B4GALNT2: variants seen among roughly 807,000 people sequenced by gnomAD.
B4GALNT2 encodes the protein beta-1,4-N-acetyl-galactosaminyltransferase 2 (SID blood group), also known as N-acetylneuraminylgalactosylglucosyl-glucoside beta-1,4-N- acetylgalactosaminyltransferase 2.
B4GALNT2 carries 42 observed loss-of-function variants against 51.1 expected under a neutral mutation model. The observed-to-expected ratio is 0.82, with a 90% confidence interval of 0.64 to 1.06. B4GALNT2 has a LOEUF of 1.06. B4GALNT2 is among the 50% of genes least tolerant of loss of function. The pLI is 0.00. For missense variants in B4GALNT2, 602 were observed against 633.6 expected (o/e 0.95, Z 0.54); for synonymous variants, 253 against 251.7 (o/e 1.01, Z -0.05).
At chr17:49,134,086 T>C (rs1338696829) in intron 1 of B4GALNT2, among the ~76,000 whole-genome samples, 1 of 152,178 alleles carries the variant, frequency 6.6e-6, no homozygotes, top group Non-Finnish European at 1.5e-5. Flanking sequence ...TCCACAATCC[T>C]TCATGGGTGA....
upstream of B4GALNT2, chr17:49,132,511 G>A: frequency 2.6e-6 from 1 of 383,514 alleles, no homozygotes; most frequent in Non-Finnish European, 4.6e-6. Flanking sequence ...GGAAGGAACG[G>A]TAGGGACCGT....
chr17:49,167,886 T>C (rs1025060093), intron 9 of B4GALNT2, among the ~76,000 whole-genome samples: 1 of 152,004 alleles, frequency 6.6e-6, no homozygotes, highest in Non-Finnish European at 1.5e-5. Flanking sequence ...CTGGGATTAC[T>C]GGTGTGAGCC....
chr17:49,164,655 C>G (rs2042895244), intron 8 of B4GALNT2, among the ~76,000 whole-genome samples: 1 of 151,872 alleles, frequency 6.6e-6, no homozygotes, highest in Admixed American at 6.6e-5. Context: ...GCATGCACCA[C>G]CACACCCGGC....
intron 9 of B4GALNT2, among the ~76,000 whole-genome samples, chr17:49,167,456 C>CT (rs111681938): frequency 0.017 from 2,538 of 151,902 alleles, 76 homozygotes; most frequent in African/African-American, 0.057. Flanking sequence ...AATAAATGGG[C>CT]TTTGTTTTTT....
chr17:49,164,218 G>T lies in B4GALNT2; in HGVS notation c.897G>T (p.Gln299His). The change falls in exon 8 of 11, where the codon CAG (glutamine) becomes CAT (histidine). Residue 299 changes from glutamine to histidine, a missense_variant. Coordinates refer to ENST00000393354, the MANE Select transcript of B4GALNT2 (RefSeq NM_001159387.2). ...DLTVIVADDS[Q>H]KPLEIKDNHV... ...CCGTAATAGTGGCTGATGACAGCCA[G>T]AAGCCCCTGGAAATTAAAGACAATC... 6.2e-7 allele frequency: 1 copy of T among 1,613,412 alleles called. No homozygotes were observed. Among genetic ancestry groups the T allele is most frequent in the Non-Finnish European group, 8.5e-7 (1 of 1,179,312 alleles).
the B4GALNT2 span, among the ~76,000 whole-genome samples, chr17:49,120,663 G>A: frequency 6.6e-6 from 1 of 151,954 alleles, no homozygotes; most frequent in Non-Finnish European, 1.5e-5. Context: ...GCACCACCAT[G>A]CCTGGCTAAT....
At chr17:49,127,735 A>G (rs2042517938), upstream of B4GALNT2, among the ~76,000 whole-genome samples, 4 of 152,158 alleles carry the variant, frequency 2.6e-5, no homozygotes, top group Admixed American at 2.0e-4. Flanking sequence ...AAACAAGCAT[A>G]GCTGGAAGAC....
At chr17:49,154,498 T>C (rs2042789208) in intron 4 of B4GALNT2, among the ~76,000 whole-genome samples, 1 of 151,576 alleles carries the variant, frequency 6.6e-6, no homozygotes, top group African/African-American at 2.4e-5. Context: ...GTCTGTCCAG[T>C]GAAGTCTTCT....
chr17:49,155,741 T>G lies in B4GALNT2; in HGVS notation c.461-825T>G, dbSNP rs568797817. Among the ~76,000 whole-genome samples, 162 of 151,552 alleles carry G rather than the reference T, an allele frequency of 1.1e-3. 2 individuals carry two copies. The highest frequency in any genetic ancestry group is 3.7e-3 in the African/African-American group (153 of 41,424). On this transcript the variant is annotated intron_variant, in intron 4 of 10. Coordinates refer to ENST00000393354, the MANE Select transcript of B4GALNT2 (RefSeq NM_001159387.2). ...TTTTTTTGTTTTTGTTTTTGTTTTT[T>G]GAGACGCAGTCTTGCTCTGTCGCCC...
chr17:49,147,741 T>C (rs144169966), intron 3 of B4GALNT2, among the ~76,000 whole-genome samples: 7 of 152,252 alleles, frequency 4.6e-5, no homozygotes, highest in African/African-American at 1.7e-4. Flanking sequence ...CTTTCTTAAA[T>C]GATAGGTTCC....
intron 1 of B4GALNT2, among the ~76,000 whole-genome samples, chr17:49,139,182 C>G (rs1483627578): frequency 6.6e-6 from 1 of 151,858 alleles, no homozygotes; most frequent in Admixed American, 6.6e-5. Flanking sequence ...ATTCTATAAG[C>G]TAATCTTACT....
At chr17:49,130,185 G>T (rs942370183), upstream of B4GALNT2, among the ~76,000 whole-genome samples, 1 of 152,244 alleles carries the variant, frequency 6.6e-6, no homozygotes, top group African/African-American at 2.4e-5. Context: ...CTAATGTGAA[G>T]CAAGAGTTAT....
chr17:49,167,006 CT>C (rs1200494178), intron 9 of B4GALNT2, among the ~76,000 whole-genome samples: 3 of 152,134 alleles, frequency 2.0e-5, no homozygotes, highest in African/African-American at 7.2e-5. Flanking sequence ...AGTAAATTCA[CT>C]GTAGAAAAGA....
At chr17:49,122,349 T>C in the B4GALNT2 span, among the ~76,000 whole-genome samples, 1 of 152,236 alleles carries the variant, frequency 6.6e-6, no homozygotes, top group Non-Finnish European at 1.5e-5. Flanking sequence ...GCATGTTCTT[T>C]CTAGCTACTT....
chr17:49,142,278 C>T (rs1039364076), intron 3 of B4GALNT2, 106 bp downstream of exon 3: 1 of 1,396,052 alleles, frequency 7.2e-7, no homozygotes, highest in South Asian at 1.3e-5. Flanking sequence ...AATTCTCTCT[C>T]TTGCAAGGGT....
upstream of B4GALNT2, among the ~76,000 whole-genome samples, chr17:49,129,712 G>T (rs534589357): frequency 2.3e-4 from 34 of 150,660 alleles, no homozygotes; most frequent in East Asian, 5.4e-3. Context: ...ATTTCTGTGT[G>T]GGGGGGGAAG....
At chr17:49,121,893 A>G in the B4GALNT2 span, among the ~76,000 whole-genome samples, 3 of 152,214 alleles carry the variant, frequency 2.0e-5, no homozygotes, top group East Asian at 5.8e-4. Context: ...GGAAAGAAAC[A>G]CGAAAAATGG....
At chr17:49,150,928 T>A (rs985413117) in intron 3 of B4GALNT2, among the ~76,000 whole-genome samples, 4 of 151,992 alleles carry the variant, frequency 2.6e-5, no homozygotes, top group African/African-American at 9.7e-5. Flanking sequence ...ATTAAAAAAA[T>A]AATAATAAAA....
At position 49,141,288 on chromosome 17, in the gene B4GALNT2, T is replaced by C. The variant is rs1375145187; in HGVS notation, c.56T>C (p.Leu19Pro). The change falls in exon 2 of 11, where the codon CTG becomes CCG. Residue 19 changes from leucine (L) to proline (P), a missense_variant. Physicochemically the swap from Leu to Pro is moderately conservative, Grantham distance 98. Transcript: ENST00000393354. ...LWLLKILVIILVLGIVGFMFG... is the reference protein window; with the variant it reads ...LWLLKILVIIPVLGIVGFMFG... ...CTCCTCAAGATATTGGTCATAATCC[T>C]GGTACTTGGCATTGTTGGATTTATG... is the stretch of plus-strand genomic sequence containing the variant. 1 of 1,614,186 alleles carries C rather than the reference T, an allele frequency of 6.2e-7. No individual in the cohort carries two copies. The highest frequency in any genetic ancestry group is 2.2e-5 in the East Asian group (1 of 44,886).
Sources: allele counts gnomAD v4.1 joint callset (sites outside exome capture counted in the v4.1 genomes callset), GRCh38; gene constraint gnomAD v4.1.1; transcripts MANE v1.5; gene names NCBI Gene and HGNC (gene_info 2026-07-23, HGNC 2026-07-21).